Variants in EXOC6B observed in about 807,000 individuals in gnomAD.
The protein encoded by EXOC6B is exocyst complex component 6B.
A neutral mutation model predicts 113.5 loss-of-function variants in EXOC6B; 54 were observed. The observed-to-expected ratio is 0.48, with a 90% CI of 0.38 to 0.60. EXOC6B has a LOEUF of 0.60. EXOC6B is among the 20% of genes least tolerant of loss of function. The probability of loss-of-function intolerance (pLI) is 0.00; values close to 1 mark genes in which losing one functional copy is unlikely to be tolerated. For synonymous variants in EXOC6B, 357 were observed against 339.0 expected (o/e 1.05, Z -0.58); for missense variants, 797 against 977.5 (o/e 0.82, Z 2.46).
intron 6 of EXOC6B, among the ~76,000 whole-genome samples, chr2:72,708,910 T>TC (rs1679071370): frequency 2.1e-5 from 3 of 141,992 alleles, no homozygotes; most frequent in East Asian, 2.1e-4. Flanking sequence ...TTTTTTTTTT[T>TC]TTTTTTTTTT....
chr2:72,815,472 A>T (rs1180241048), intron 1 of EXOC6B, among the ~76,000 whole-genome samples: 1 of 151,404 alleles, frequency 6.6e-6, no homozygotes, highest in Non-Finnish European at 1.5e-5. Flanking sequence ...CCAGGACAAG[A>T]GAGGGAGAGA....
At chr2:72,464,228 A>T (rs183528094) in intron 18 of EXOC6B, 2 of 152,310 alleles carry the variant, frequency 1.3e-5, no homozygotes, top group East Asian at 3.9e-4. Context: ...GATACTGGGT[A>T]CTGCTAAGTC....
At chr2:72,264,581 A>G (rs1326493614) in intron 20 of EXOC6B, among the ~76,000 whole-genome samples, 1 of 151,974 alleles carries the variant, frequency 6.6e-6, no homozygotes, top group African/African-American at 2.4e-5. Context: ...AACAAAAACA[A>G]AAACACCAAC....
At chr2:72,731,487 C>A (rs572232659) in intron 3 of EXOC6B, among the ~76,000 whole-genome samples, 5 of 152,282 alleles carry the variant, frequency 3.3e-5, no homozygotes, top group African/African-American at 9.6e-5. Flanking sequence ...TCCTAAAATA[C>A]AAGGGTTATC....
chr2:72,771,667 C>G (rs1035734680), intron 1 of EXOC6B, among the ~76,000 whole-genome samples: 1 of 152,060 alleles, frequency 6.6e-6, no homozygotes, highest in Non-Finnish European at 1.5e-5. Flanking sequence ...CAAAAGACTA[C>G]TTTACATTAT....
chr2:72,561,355 T>A (rs1414126265), intron 7 of EXOC6B, among the ~76,000 whole-genome samples: 2 of 152,148 alleles, frequency 1.3e-5, no homozygotes, highest in Non-Finnish European at 2.9e-5. Context: ...TTTTCTTTTA[T>A]TTAGAATTAA....
rs552134452 is a variant in EXOC6B at position 72,415,543 on chromosome 2, A to G, written c.1981-35673T>C. On this transcript the variant is annotated intron_variant, in intron 18 of 21. Coordinates refer to ENST00000272427, the MANE Select transcript of EXOC6B (RefSeq NM_015189.3). ...TTCTTTTTTTTTTTTTTGAGAGTGT[A>G]CTCAATCACAAACAGATGCTACAGC... 1.6e-4 allele frequency among the ~76,000 whole-genome samples: 24 copies of G among 149,594 alleles called. No homozygotes were observed. The East Asian group carries it at 4.5e-3, about 28-fold the overall frequency.
chr2:72,641,647 C>A (rs898364729), intron 6 of EXOC6B, among the ~76,000 whole-genome samples: 1 of 152,230 alleles, frequency 6.6e-6, no homozygotes, highest in African/African-American at 2.4e-5. Context: ...CATAGCTGAA[C>A]AAAAGGCAGC....
At chr2:72,525,743 G>A (rs913297658) in intron 8 of EXOC6B, among the ~76,000 whole-genome samples, 3 of 151,854 alleles carry the variant, frequency 2.0e-5, no homozygotes, top group South Asian at 4.2e-4. Flanking sequence ...AAATCATTAA[G>A]ACTAAAATTA....
intron 8 of EXOC6B, among the ~76,000 whole-genome samples, chr2:72,547,784 A>G (rs775588265): frequency 2.0e-5 from 3 of 152,234 alleles, no homozygotes; most frequent in Non-Finnish European, 2.9e-5. Flanking sequence ...GTTTGTCTTC[A>G]TCAGACACAT....
intron 18 of EXOC6B, among the ~76,000 whole-genome samples, chr2:72,450,668 A>C (rs966534775): frequency 2.6e-5 from 4 of 152,204 alleles, no homozygotes; most frequent in African/African-American, 7.2e-5. Flanking sequence ...GGCCACTGGA[A>C]GTTTCTCTTG....
intron 1 of EXOC6B, among the ~76,000 whole-genome samples, chr2:72,755,809 C>A (rs1175149776): frequency 3.9e-5 from 6 of 152,110 alleles, no homozygotes; most frequent in Non-Finnish European, 8.8e-5. Flanking sequence ...TGTTTCTGGC[C>A]CTTGTTGCCA....
chr2:72,370,363 C>G (rs916556467), intron 19 of EXOC6B, among the ~76,000 whole-genome samples: 3 of 152,128 alleles, frequency 2.0e-5, no homozygotes, highest in Non-Finnish European at 4.4e-5. Context: ...CAGGAAACAA[C>G]AGGTGCTGGA....
intron 20 of EXOC6B, among the ~76,000 whole-genome samples, chr2:72,247,443 T>C (rs909413672): frequency 3.9e-5 from 6 of 152,204 alleles, no homozygotes; most frequent in Non-Finnish European, 7.3e-5. Flanking sequence ...CTGGGGTTGC[T>C]GTCATTATCA....
chr2:72,401,605 GTATATATATA>G (rs767434301), intron 18 of EXOC6B, among the ~76,000 whole-genome samples: 1 of 18,840 alleles, frequency 5.3e-5, no homozygotes, highest in Non-Finnish European at 8.8e-5. Context: ...ATATATATGT[GTATATATATA>G]TATATACATA....
intron 6 of EXOC6B, among the ~76,000 whole-genome samples, chr2:72,698,860 A>G (rs1446630709): frequency 6.6e-6 from 1 of 152,210 alleles, no homozygotes; most frequent in Non-Finnish European, 1.5e-5. Flanking sequence ...AGATGCTTAC[A>G]ATTTTATTCA....
intron 20 of EXOC6B, among the ~76,000 whole-genome samples, chr2:72,282,346 T>C (rs779451609): frequency 1.2e-4 from 18 of 152,172 alleles, no homozygotes; most frequent in Non-Finnish European, 2.5e-4. Flanking sequence ...TTCTGGGATT[T>C]GTTACAATTA....
intron 20 of EXOC6B, among the ~76,000 whole-genome samples, chr2:72,197,714 T>C (rs1679258334): frequency 6.6e-6 from 1 of 151,946 alleles, no homozygotes; most frequent in Admixed American, 6.6e-5. Flanking sequence ...TGACTGAATG[T>C]TGGAGGAGAC....
chr2:72,349,343 G>A (rs1689516749), intron 19 of EXOC6B, among the ~76,000 whole-genome samples: 1 of 152,128 alleles, frequency 6.6e-6, no homozygotes, highest in South Asian at 2.1e-4. Context: ...CAATATCTGA[G>A]TTTATGTTAA....
Sources: allele counts gnomAD v4.1 joint callset (sites outside exome capture counted in the v4.1 genomes callset), GRCh38; gene constraint gnomAD v4.1.1; transcripts MANE v1.5; gene names NCBI Gene and HGNC (gene_info 2026-07-23, HGNC 2026-07-21).